The following DIS3L2 variants were observed in gnomAD, a reference collection of about 807,000 sequenced individuals.
DIS3L2 encodes DIS3 like 3'-5' exoribonuclease 2, also known as DIS3-like exonuclease 2.
In DIS3L2, 34 loss-of-function variants were observed where a neutral mutation model predicts 97.5. That is an observed-to-expected ratio of 0.35 (90% CI 0.27 to 0.46). The LOEUF is 0.46. Ranked by LOEUF, DIS3L2 falls within the 20% of genes least tolerant of loss-of-function variation. The pLI is 1.00. For missense variants in DIS3L2, 1,038 were observed against 1,146.0 expected (o/e 0.91, Z 1.36); for synonymous variants, 435 against 445.2 (o/e 0.98, Z 0.29).
intron 10 of DIS3L2, among the ~76,000 whole-genome samples, chr2:232,211,880 A>G (rs868858039): frequency 6.6e-6 from 1 of 152,154 alleles, no homozygotes; most frequent in Non-Finnish European, 1.5e-5. Flanking sequence ...CGATTTTTAG[A>G]GACAGAGTAT....
At chr2:232,318,628 G>A (rs1695342848) in intron 14 of DIS3L2, among the ~76,000 whole-genome samples, 1 of 152,190 alleles carries the variant, frequency 6.6e-6, no homozygotes, top group African/African-American at 2.4e-5. Context: ...AGCGCGGCAG[G>A]GTGCTGGGTG....
intron 13 of DIS3L2, among the ~76,000 whole-genome samples, chr2:232,270,429 A>T (rs954663227): frequency 2.6e-5 from 4 of 152,176 alleles, no homozygotes; most frequent in Non-Finnish European, 5.9e-5. Context: ...GCTCTTAAAT[A>T]TTACCTAATG....
intron 14 of DIS3L2, among the ~76,000 whole-genome samples, chr2:232,323,814 G>C (rs1695502524): frequency 6.6e-6 from 1 of 152,064 alleles, no homozygotes; most frequent in African/African-American, 2.4e-5. Flanking sequence ...CTGTGGGTGG[G>C]GGTCCATCAG....
intron 6 of DIS3L2, among the ~76,000 whole-genome samples, chr2:232,111,919 C>G (rs1469750766): frequency 6.6e-6 from 1 of 152,212 alleles, no homozygotes; most frequent in Non-Finnish European, 1.5e-5. Context: ...TACATTAGAT[C>G]TAAGGCCATT....
At chr2:231,978,346 C>T (rs1490288199) in intron 1 of DIS3L2, 1 of 152,176 alleles carries the variant, frequency 6.6e-6, no homozygotes, top group African/African-American at 2.4e-5. Flanking sequence ...TAGTTTGTAT[C>T]CCTAAACTGT....
intron 5 of DIS3L2, among the ~76,000 whole-genome samples, chr2:232,079,961 G>A (rs895927169): frequency 6.6e-6 from 1 of 152,206 alleles, no homozygotes; most frequent in African/African-American, 2.4e-5. Flanking sequence ...ATGGAAGGAG[G>A]TTGGAAAGCT....
exon 14 of DIS3L2, chr2:232,343,991 C>T (rs754659026): frequency 6.0e-6 from 1 of 165,412 alleles, no homozygotes; most frequent in Non-Finnish European, 1.3e-5. Context: ...GGGAAAGCCA[C>T]AGGCAAGGGT....
At position 232,000,953 on chromosome 2, in the gene DIS3L2, C is replaced by T. The variant is rs142548799; in HGVS notation, c.-93-13882C>T. Among the ~76,000 whole-genome samples, 56 of 151,716 alleles carry T rather than the reference C, an allele frequency of 3.7e-4. 1 individual carries two copies. The East Asian group carries it at 9.5e-3, about 26-fold the overall frequency. ...TACTACATTTTGAAAATCCATTCAC[C>T]CTTGCTGAGGATTTAGGTTGATTCC... On this transcript the variant is annotated intron_variant, in intron 1 of 20. Coordinates refer to ENST00000325385, the MANE Select transcript of DIS3L2 (RefSeq NM_152383.5).
chr2:232,243,842 C>A (rs1306371271), intron 11 of DIS3L2, among the ~76,000 whole-genome samples: 1 of 152,180 alleles, frequency 6.6e-6, no homozygotes, highest in Non-Finnish European at 1.5e-5. Context: ...GAACTCTTGG[C>A]CACCTGTGAC....
Position 232,318,696 on chromosome 2 carries a change from C to T in DIS3L2, c.1740-11117C>T, listed in dbSNP as rs567898358. Among the ~76,000 whole-genome samples the T allele has an allele frequency of 9.2e-5, 14 of 152,252 alleles. No individual in the cohort carries two copies. The South Asian group carries it at 1.7e-3, about 18-fold the overall frequency. On this transcript the variant is annotated intron_variant, in intron 14 of 20. Transcript: ENST00000325385. ...CAGTGTGGGACCCTGTAGGCCCCAA[C>T]CCACCCCAGGGGAGGCAAGTGAGAA...
intron 5 of DIS3L2, among the ~76,000 whole-genome samples, chr2:232,085,422 G>A (rs369631768): frequency 3.3e-5 from 5 of 152,286 alleles, no homozygotes; most frequent in Non-Finnish European, 5.9e-5. Context: ...GACTCATGAC[G>A]GTGCCTGGCA....
chr2:232,131,889 C>T (rs1395391429), intron 7 of DIS3L2: 2 of 134,530 alleles, frequency 1.5e-5, no homozygotes, highest in Non-Finnish European at 3.1e-5. Context: ...GGCTCACAGA[C>T]CTATTTTGTT....
chr2:232,023,031 TATACTTCTC>T (rs1215155483), intron 3 of DIS3L2: 1 of 152,206 alleles, frequency 6.6e-6, no homozygotes, highest in Non-Finnish European at 1.5e-5. Flanking sequence ...TGTCCTCTAC[TATACTTCTC>T]ATCTGATTTA....
At chr2:232,003,775 T>A (rs1434670995) in intron 1 of DIS3L2, among the ~76,000 whole-genome samples, 1 of 152,226 alleles carries the variant, frequency 6.6e-6, no homozygotes, top group Admixed American at 6.5e-5. Flanking sequence ...TCCATTGTCT[T>A]TGGCTGGCAG....
rs576352090 is a variant in DIS3L2, at chr2:232,018,246, G to A, written c.210+2575G>A. ...TTAGTTTTTGCTTTTGAAGCAACTC[G>A]TTGCTGATACTCAAACAAAACAAAA... On this transcript the variant is annotated intron_variant, in intron 3 of 20. Coordinates refer to ENST00000325385, the MANE Select transcript of DIS3L2 (RefSeq NM_152383.5). 3.4e-4 allele frequency among the ~76,000 whole-genome samples: 52 copies of A among 151,558 alleles called. 1 individual carries two copies. In the South Asian group the frequency reaches 9.8e-3, roughly 29 times the overall value.
intron 5 of DIS3L2, among the ~76,000 whole-genome samples, chr2:232,052,107 T>A (rs1354754448): frequency 6.6e-6 from 1 of 151,576 alleles, no homozygotes; most frequent in Non-Finnish European, 1.5e-5. Context: ...CACTGCAACC[T>A]CCGTCTCCTG....
chr2:232,326,603 C>T (rs530459398), intron 14 of DIS3L2, among the ~76,000 whole-genome samples: 1 of 151,598 alleles, frequency 6.6e-6, no homozygotes, highest in East Asian at 1.9e-4. Context: ...CCTCAAACAT[C>T]ATGGCCAAGG....
intron 7 of DIS3L2, among the ~76,000 whole-genome samples, chr2:232,132,952 G>T (rs1698260957): frequency 6.6e-6 from 1 of 152,160 alleles, no homozygotes; most frequent in South Asian, 2.1e-4. Flanking sequence ...TCAAGTATGG[G>T]AAGCCCCTGT....
intron 4 of DIS3L2, 89 bp from the exon 5 acceptor site, chr2:232,029,890 T>C (rs1357754376): frequency 5.4e-6 from 5 of 933,308 alleles, no homozygotes; most frequent in Non-Finnish European, 6.5e-6. Context: ...AACTTGCTGT[T>C]TTCTATTTCA....
Sources: allele counts gnomAD v4.1 joint callset (sites outside exome capture counted in the v4.1 genomes callset), GRCh38; gene constraint gnomAD v4.1.1; transcripts MANE v1.5; gene names NCBI Gene and HGNC (gene_info 2026-07-23, HGNC 2026-07-21).